Variants in AGBL1 observed in about 807,000 individuals in gnomAD.
AGBL1 encodes the protein AGBL carboxypeptidase 1.
AGBL1 carries 130 observed loss-of-function variants against 118.9 expected under a neutral mutation model. That is an observed-to-expected ratio of 1.09 (90% confidence interval 0.95 to 1.26). The LOEUF is 1.26. Among genes scored for constraint, AGBL1 ranks in the 50% most tolerant of loss-of-function variants. AGBL1 has a pLI of 0.00. For synonymous variants in AGBL1, 555 were observed against 478.9 expected (o/e 1.16, Z -2.08); for missense variants, 1,584 against 1,298.1 (o/e 1.22, Z -3.38).
intron 16 of AGBL1, among the ~76,000 whole-genome samples, chr15:86,292,632 T>C (rs1187308642): frequency 6.6e-6 from 1 of 152,164 alleles, no homozygotes; most frequent in Non-Finnish European, 1.5e-5. Flanking sequence ...GGGATATTTA[T>C]TGAGACCTTA....
chr15:86,894,267 G>A (rs1471009850), intron 22 of AGBL1, among the ~76,000 whole-genome samples: 1 of 152,114 alleles, frequency 6.6e-6, no homozygotes, highest in African/African-American at 2.4e-5. Flanking sequence ...TTTAACTTCA[G>A]TTGCAAATGG....
At chr15:86,833,849 A>G (rs1444266932) in intron 22 of AGBL1, among the ~76,000 whole-genome samples, 1 of 152,166 alleles carries the variant, frequency 6.6e-6, no homozygotes, top group East Asian at 1.9e-4. Flanking sequence ...GAATTTACAC[A>G]TCTCAGCCTC....
chr15:86,433,226 T>TCCTC (rs2081957625), intron 18 of AGBL1, among the ~76,000 whole-genome samples: 2 of 146,796 alleles, frequency 1.4e-5, no homozygotes, highest in Non-Finnish European at 3.0e-5. Flanking sequence ...TTCTTCTTCT[T>TCCTC]CTTCTCCTCC....
intron 1 of AGBL1, among the ~76,000 whole-genome samples, chr15:86,109,383 A>G (rs1232678667): frequency 6.6e-6 from 1 of 152,234 alleles, no homozygotes; most frequent in Non-Finnish European, 1.5e-5. Flanking sequence ...TCACAAAATC[A>G]GAAAAATAAT....
intron 17 of AGBL1, among the ~76,000 whole-genome samples, chr15:86,351,516 G>T (rs1596002406): frequency 3.3e-5 from 5 of 152,204 alleles, no homozygotes; most frequent in South Asian, 2.1e-4. Context: ...CAACTAATTT[G>T]TTAACTCTTG....
intron 21 of AGBL1, among the ~76,000 whole-genome samples, chr15:86,557,086 T>C (rs1162454202): frequency 5.3e-5 from 8 of 152,230 alleles, no homozygotes; most frequent in African/African-American, 1.7e-4. Context: ...AAAAGAATTA[T>C]CCTGCTCTTG....
intron 17 of AGBL1, among the ~76,000 whole-genome samples, chr15:86,323,681 A>G (rs1012631838): frequency 2.6e-5 from 4 of 152,204 alleles, no homozygotes; most frequent in African/African-American, 9.6e-5. Context: ...CCTCATATTC[A>G]GGTATAGACA....
chr15:86,280,624 A>G (rs1000262249), intron 16 of AGBL1, among the ~76,000 whole-genome samples: 1 of 152,216 alleles, frequency 6.6e-6, no homozygotes, highest in Admixed American at 6.5e-5. Flanking sequence ...ATTTATAATC[A>G]TATGTGTGTA....
intron 22 of AGBL1, among the ~76,000 whole-genome samples, chr15:86,784,316 A>G (rs2078375665): frequency 6.6e-6 from 1 of 152,190 alleles, no homozygotes; most frequent in African/African-American, 2.4e-5. Flanking sequence ...CCAGAAAGAT[A>G]ATTTGCTTTG....
At chr15:86,307,378 T>C (rs949854288) in intron 17 of AGBL1, among the ~76,000 whole-genome samples, 4 of 152,186 alleles carry the variant, frequency 2.6e-5, no homozygotes, top group African/African-American at 4.8e-5. Context: ...TTATTGATCA[T>C]TTTACTAAAT....
intron 21 of AGBL1, among the ~76,000 whole-genome samples, chr15:86,577,593 C>T (rs1370567764): frequency 6.6e-6 from 1 of 152,166 alleles, no homozygotes; most frequent in African/African-American, 2.4e-5. Flanking sequence ...CAGAGGTTGT[C>T]ATGGTAGCCT....
intron 22 of AGBL1, among the ~76,000 whole-genome samples, chr15:86,853,811 G>A (rs137970979): frequency 1.3e-5 from 2 of 152,122 alleles, no homozygotes; most frequent in African/African-American, 4.8e-5. Context: ...CTGAAAACCT[G>A]GGTTTTACTC....
rs1426756431 is a variant in AGBL1, at chr15:86,264,468, A to T, written c.1297A>T (p.Asn433Tyr). The T allele has an allele frequency of 6.2e-7, 1 of 1,613,928 alleles. No individual in the cohort carries two copies. The highest frequency in any genetic ancestry group is 1.3e-5 in the African/African-American group (1 of 74,936). ...RSTVHLGSKK[N>Y]PGVNLYQNVQ... Reference sequence around the variant, plus strand: ...CACTGTGCATCTAGGCTCCAAAAAAAATCCTGGAGTGAACCTGTACCAAAA... The same window carrying T: ...CACTGTGCATCTAGGCTCCAAAAAATATCCTGGAGTGAACCTGTACCAAAA... Residue 433 changes from asparagine to tyrosine, a missense_variant, in exon 11 of 23, where the codon AAT (asparagine) becomes TAT (tyrosine). Transcript: ENST00000614907.
chr15:86,977,930 C>G (rs2141716534), intron 23 of AGBL1, among the ~76,000 whole-genome samples: 1 of 152,148 alleles, frequency 6.6e-6, no homozygotes, highest in East Asian at 1.9e-4. Flanking sequence ...TCATTCTACT[C>G]CTGAATTACT....
intron 24 of AGBL1, among the ~76,000 whole-genome samples, chr15:87,001,772 TGTC>T (rs2081440385): frequency 6.6e-6 from 1 of 152,152 alleles, no homozygotes; most frequent in South Asian, 2.1e-4. Context: ...GTGGCATAAA[TGTC>T]GTCTTTTGAG....
At chr15:86,616,592 C>T (rs942860606) in intron 21 of AGBL1, among the ~76,000 whole-genome samples, 1 of 152,128 alleles carries the variant, frequency 6.6e-6, no homozygotes, top group Non-Finnish European at 1.5e-5. Context: ...TTGCTGTTGA[C>T]CCTGGCACAG....
chr15:86,450,933 A>G (rs1454407270), intron 18 of AGBL1, among the ~76,000 whole-genome samples: 5 of 152,158 alleles, frequency 3.3e-5, no homozygotes, highest in Admixed American at 1.3e-4. Context: ...TATTCCAGCT[A>G]TTTATAGGTT....
intron 8 of AGBL1, among the ~76,000 whole-genome samples, chr15:86,257,275 C>T (rs545066894): frequency 3.1e-4 from 47 of 152,256 alleles, no homozygotes; most frequent in Non-Finnish European, 5.1e-4. Context: ...TATCAAATGC[C>T]TGTACAGTCA....
At chr15:86,832,383 T>A (rs1290898862) in intron 22 of AGBL1, among the ~76,000 whole-genome samples, 1 of 152,218 alleles carries the variant, frequency 6.6e-6, no homozygotes, top group African/African-American at 2.4e-5. Context: ...GCTTCCCTTT[T>A]AACATAAGTT....
Sources: allele counts gnomAD v4.1 joint callset (sites outside exome capture counted in the v4.1 genomes callset), GRCh38; gene constraint gnomAD v4.1.1; transcripts MANE v1.5; gene names NCBI Gene and HGNC (gene_info 2026-07-23, HGNC 2026-07-21).